The following VTI1A variants were observed in gnomAD, a reference collection of about 807,000 sequenced individuals.
The protein encoded by VTI1A is vesicle transport through interaction with t-SNAREs 1A, also known as vesicle transport through interaction with t-SNAREs homolog 1A.
Under a neutral mutation model 34.9 loss-of-function variants are expected in VTI1A, and 22 were observed. That is an observed-to-expected ratio of 0.63 (90% CI 0.45 to 0.90). The LOEUF (loss-of-function observed/expected upper bound fraction) is 0.90, where lower values mean the gene tolerates loss of function less well. Ranked by LOEUF, VTI1A falls within the 40% of genes least tolerant of loss-of-function variation. The pLI, the probability that VTI1A is intolerant of heterozygous loss-of-function variation, is 0.00. For missense variants in VTI1A, 268 were observed against 275.6 expected, an observed-to-expected ratio of 0.97 and a Z score of 0.20; for synonymous variants, 87 against 97.3, an observed-to-expected ratio of 0.89 and a Z score of 0.62.
chr10:112,617,572 C>G (rs1244628086), intron 5 of VTI1A, among the ~76,000 whole-genome samples: 1 of 151,988 alleles, frequency 6.6e-6, no homozygotes, highest in African/African-American at 2.4e-5. Flanking sequence ...CTCCTTCTGA[C>G]TATTTTGCTT....
the VTI1A span, among the ~76,000 whole-genome samples, chr10:112,848,141 C>T: frequency 1.3e-5 from 2 of 152,216 alleles, no homozygotes; most frequent in Non-Finnish European, 2.9e-5. Flanking sequence ...CTTTTTGTTT[C>T]AACAGGCTCT....
At chr10:112,835,178 C>G in the VTI1A span, among the ~76,000 whole-genome samples, 1 of 152,152 alleles carries the variant, frequency 6.6e-6, no homozygotes. Context: ...AAGGAGCCCT[C>G]TCTCATGGAT....
At chr10:112,707,120 C>T (rs916298789) in intron 7 of VTI1A, among the ~76,000 whole-genome samples, 1 of 152,118 alleles carries the variant, frequency 6.6e-6, no homozygotes, top group Admixed American at 6.5e-5. Flanking sequence ...AAGCCTCATC[C>T]TCCATTGAAC....
intron 5 of VTI1A, among the ~76,000 whole-genome samples, chr10:112,540,110 T>G (rs572808784): frequency 3.9e-5 from 6 of 152,308 alleles, no homozygotes; most frequent in East Asian, 3.9e-4. Flanking sequence ...TTTGGTTGAT[T>G]GGGCTACATA....
chr10:112,852,243 T>A, the VTI1A span, among the ~76,000 whole-genome samples: 2 of 152,328 alleles, frequency 1.3e-5, no homozygotes, highest in Admixed American at 1.3e-4. Context: ...AAATTTTAGA[T>A]GATTCCAATG....
At chr10:112,716,457 G>A (rs1282220301) in intron 7 of VTI1A, among the ~76,000 whole-genome samples, 1 of 152,156 alleles carries the variant, frequency 6.6e-6, no homozygotes, top group African/African-American at 2.4e-5. Flanking sequence ...ATAAATTTGA[G>A]TATAACATAC....
intron 7 of VTI1A, among the ~76,000 whole-genome samples, chr10:112,726,269 C>T (rs1227665900): frequency 6.6e-6 from 1 of 152,220 alleles, no homozygotes; most frequent in Non-Finnish European, 1.5e-5. Context: ...TCAGATACCC[C>T]AGCTCATCTC....
chr10:112,750,234 A>C (rs569793421), intron 7 of VTI1A, among the ~76,000 whole-genome samples: 1 of 152,040 alleles, frequency 6.6e-6, no homozygotes, highest in East Asian at 1.9e-4. Flanking sequence ...TGTTGCCTAC[A>C]CTGGAGTGCG....
chr10:112,545,365 G>T (rs1311888446), intron 5 of VTI1A, among the ~76,000 whole-genome samples: 2 of 152,214 alleles, frequency 1.3e-5, no homozygotes, highest in Admixed American at 6.5e-5. Context: ...TGGGCTGAAA[G>T]CCAAGTTTAT....
At chr10:112,610,170 C>A (rs1241091115) in intron 5 of VTI1A, among the ~76,000 whole-genome samples, 1 of 88,182 alleles carries the variant, frequency 1.1e-5, no homozygotes, top group Non-Finnish European at 2.2e-5. Context: ...ATATACTTTT[C>A]CAGTCTTTTT....
the VTI1A span, among the ~76,000 whole-genome samples, chr10:112,833,314 A>C: frequency 0.042 from 6,270 of 150,020 alleles, 175 homozygotes; most frequent in African/African-American, 0.08. Flanking sequence ...CTTCCCCTAC[A>C]TAGAGCATCC....
At chr10:112,543,605 A>G (rs983184486) in intron 5 of VTI1A, among the ~76,000 whole-genome samples, 2 of 152,152 alleles carry the variant, frequency 1.3e-5, no homozygotes, top group Non-Finnish European at 2.9e-5. Flanking sequence ...GTAGATTGCA[A>G]AAATTTTCTC....
At chr10:112,849,605 A>G in the VTI1A span, among the ~76,000 whole-genome samples, 1 of 152,120 alleles carries the variant, frequency 6.6e-6, no homozygotes, top group South Asian at 2.1e-4. Flanking sequence ...GGAAGGAATT[A>G]CCCCTCTGAA....
rs568278593 is a variant in VTI1A at position 112,731,356 on chromosome 10, C to T, written c.560+62358C>T. Among the ~76,000 whole-genome samples, 385 of 152,252 alleles carry T rather than the reference C, an allele frequency of 2.5e-3. 3 individuals are homozygous for T. The highest frequency in any genetic ancestry group is 8.8e-3 in the African/African-American group (366 of 41,548). ...TGGGAGGCCAAGGCAGGTGGATCAC[C>T]TGAGGTCAGGAGTTAAGACCAGCCT... is the stretch of plus-strand genomic sequence containing the variant. On this transcript the variant is annotated intron_variant, in intron 7 of 7. Coordinates refer to ENST00000393077, the MANE Select transcript of VTI1A (RefSeq NM_145206.4).
chr10:112,797,314 C>T (rs115105778), intron 7 of VTI1A, among the ~76,000 whole-genome samples: 183 of 152,152 alleles, frequency 1.2e-3, no homozygotes, highest in African/African-American at 4.0e-3. Context: ...TTAGATTGTT[C>T]GAGGAAGGGC....
At chr10:112,701,985 G>C (rs1424237480) in intron 7 of VTI1A, among the ~76,000 whole-genome samples, 1 of 152,102 alleles carries the variant, frequency 6.6e-6, no homozygotes, top group East Asian at 1.9e-4. Context: ...CATGATCATG[G>C]GTATACTGTG....
intron 7 of VTI1A, among the ~76,000 whole-genome samples, chr10:112,684,615 A>G (rs1340144282): frequency 6.6e-6 from 1 of 151,712 alleles, no homozygotes; most frequent in Non-Finnish European, 1.5e-5. Flanking sequence ...ACTTTTTTGT[A>G]TTTTTAGTAG....
At chr10:112,716,280 G>A (rs1408116412) in intron 7 of VTI1A, among the ~76,000 whole-genome samples, 2 of 152,200 alleles carry the variant, frequency 1.3e-5, no homozygotes, top group African/African-American at 2.4e-5. Context: ...TTCATCCTTT[G>A]AAGGCAACAT....
chr10:112,489,663 A>G (rs926581504), intron 3 of VTI1A, among the ~76,000 whole-genome samples: 2 of 152,186 alleles, frequency 1.3e-5, no homozygotes, highest in Non-Finnish European at 2.9e-5. Flanking sequence ...CTGGATGCTT[A>G]TAAGTGCAGG....
Sources: allele counts gnomAD v4.1 joint callset (sites outside exome capture counted in the v4.1 genomes callset), GRCh38; gene constraint gnomAD v4.1.1; transcripts MANE v1.5; gene names NCBI Gene and HGNC (gene_info 2026-07-23, HGNC 2026-07-21).